The following SLC8A1 variants were observed in gnomAD, a reference collection of about 807,000 sequenced individuals.
SLC8A1 encodes the protein sodium/calcium exchanger 1.
In SLC8A1, 18 loss-of-function variants were observed where a neutral mutation model predicts 68.3. That is an observed-to-expected ratio of 0.26 (90% CI 0.18 to 0.39). The LOEUF is 0.39. Among genes scored for constraint, SLC8A1 ranks in the 10% least tolerant of loss-of-function variants. The pLI, the probability that SLC8A1 is intolerant of heterozygous loss-of-function variation, is 1.00. For synonymous variants in SLC8A1, 475 were observed against 415.5 expected (o/e 1.14, Z -1.74); for missense variants, 985 against 1,156.7 (o/e 0.85, Z 2.15).
intron 3 of SLC8A1, chr2:40,175,876 C>A (rs568220086): frequency 3.2e-4 from 113 of 353,826 alleles, no homozygotes; most frequent in Non-Finnish European, 6.0e-4. Context: ...ATTTTGTCCA[C>A]CAAGAATTGC....
At chr2:40,335,450 T>G (rs1665659784) in intron 2 of SLC8A1, among the ~76,000 whole-genome samples, 1 of 152,216 alleles carries the variant, frequency 6.6e-6, no homozygotes, top group African/African-American at 2.4e-5. Flanking sequence ...ATAATTAAAT[T>G]TATATTGTGT....
At chr2:40,157,515 A>G (rs573323042) in intron 6 of SLC8A1, among the ~76,000 whole-genome samples, 1 of 152,316 alleles carries the variant, frequency 6.6e-6, no homozygotes, top group East Asian at 1.9e-4. Context: ...TGGCACTGGC[A>G]TCCTGGTTCC....
intron 2 of SLC8A1, among the ~76,000 whole-genome samples, chr2:40,344,057 G>C (rs1668499439): frequency 6.6e-6 from 1 of 152,178 alleles, no homozygotes; most frequent in African/African-American, 2.4e-5. Context: ...CAGCAGTATG[G>C]CAGCCAGATG....
At chr2:40,117,023 C>T (rs2035590866) in intron 7 of SLC8A1, 1 of 152,184 alleles carries the variant, frequency 6.6e-6, no homozygotes, top group Admixed American at 6.5e-5. Flanking sequence ...CTGCTCACTT[C>T]AGAGTGCTGT....
At chr2:40,415,437 AAAAG>A (rs974845212) in intron 2 of SLC8A1, among the ~76,000 whole-genome samples, 13 of 152,046 alleles carry the variant, frequency 8.6e-5, no homozygotes, top group Non-Finnish European at 1.0e-4. Context: ...AAAAAAAAAA[AAAAG>A]AAAACTGCCA....
exon 8 of SLC8A1, chr2:40,099,270 A>T (rs539313094): frequency 6.6e-6 from 1 of 152,170 alleles, no homozygotes; most frequent in East Asian, 1.9e-4. Flanking sequence ...AAAATGAGTA[A>T]TATATGATGC....
At chr2:40,408,477 A>G (rs1009288925) in intron 2 of SLC8A1, among the ~76,000 whole-genome samples, 2 of 152,230 alleles carry the variant, frequency 1.3e-5, no homozygotes, top group Non-Finnish European at 2.9e-5. Context: ...CTAAAACCAC[A>G]GGAAATTTTG....
chr2:40,388,806 T>C (rs1684401631), intron 2 of SLC8A1, among the ~76,000 whole-genome samples: 1 of 151,990 alleles, frequency 6.6e-6, no homozygotes, highest in African/African-American at 2.4e-5. Context: ...AGTAAATAAA[T>C]CAAAAAGCAA....
At chr2:40,304,826 C>T (rs2072262018) in intron 2 of SLC8A1, among the ~76,000 whole-genome samples, 1 of 152,132 alleles carries the variant, frequency 6.6e-6, no homozygotes, top group Non-Finnish European at 1.5e-5. Flanking sequence ...TCACCTAGAC[C>T]TCATGCGCCC....
At chr2:40,119,888 G>T (rs2036388398) in intron 7 of SLC8A1, among the ~76,000 whole-genome samples, 1 of 152,170 alleles carries the variant, frequency 6.6e-6, no homozygotes, top group South Asian at 2.1e-4. Context: ...CTGTTGAGGA[G>T]ACAGCATGGC....
At chr2:40,152,612 C>T (rs374063983) in intron 6 of SLC8A1, among the ~76,000 whole-genome samples, 11 of 148,476 alleles carry the variant, frequency 7.4e-5, no homozygotes, top group East Asian at 2.0e-4. Context: ...GACAGAGTTT[C>T]GCCGTGTAGA....
At chr2:40,275,119 G>A (rs7583177) in intron 2 of SLC8A1, among the ~76,000 whole-genome samples, 75,536 of 152,094 alleles carry the variant, frequency 0.5, 22,372 homozygotes, top group African/African-American at 0.81. Flanking sequence ...GAATAGAATT[G>A]TATGCTCACA....
chr2:40,219,803 GTGCTTTGTT>G (rs2058047430), intron 2 of SLC8A1, among the ~76,000 whole-genome samples: 1 of 91,438 alleles, frequency 1.1e-5, no homozygotes, highest in Non-Finnish European at 2.8e-5. Flanking sequence ...TGAGAGAGAT[GTGCTTTGTT>G]TGCTATGCAT....
In SLC8A1 at chr2:40,276,745, C is replaced by G. The variant is rs1312624206; in HGVS notation, c.1809-98890G>C. Among the ~76,000 whole-genome samples, 3 of 152,278 alleles carry G rather than the reference C, an allele frequency of 2.0e-5. No individual in the cohort carries two copies. In the East Asian group the frequency reaches 5.8e-4, roughly 29 times the overall value. Reference sequence around the variant, plus strand: ...AAAATACATTTTTAAAGAGGCCATTCTTTTTATTGGACATTTTTATTTTAG... The same window carrying G: ...AAAATACATTTTTAAAGAGGCCATTGTTTTTATTGGACATTTTTATTTTAG... On this transcript the variant is annotated intron_variant, in intron 2 of 7. Transcript: ENST00000406785.
At chr2:40,442,274 G>GA (rs1700638572) in intron 1 of SLC8A1, among the ~76,000 whole-genome samples, 1 of 137,584 alleles carries the variant, frequency 7.3e-6, no homozygotes, top group Non-Finnish European at 1.6e-5. Flanking sequence ...AAAAAAAAAA[G>GA]AAAAAAGAAA....
At chr2:40,281,513 G>A (rs534669792) in intron 2 of SLC8A1, among the ~76,000 whole-genome samples, 18 of 152,308 alleles carry the variant, frequency 1.2e-4, no homozygotes, top group African/African-American at 3.1e-4. Context: ...GGGCTTGTGA[G>A]CTGTCTCAGG....
chr2:40,483,278 A>AT (rs1553623708), intron 1 of SLC8A1, among the ~76,000 whole-genome samples: 198 of 150,288 alleles, frequency 1.3e-3, no homozygotes, highest in African/African-American at 4.2e-3. Flanking sequence ...TATGTTAAAA[A>AT]ATATATATAT....
intron 2 of SLC8A1, among the ~76,000 whole-genome samples, chr2:40,322,499 G>GT (rs1178932201): frequency 3.7e-5 from 4 of 109,166 alleles, no homozygotes; most frequent in Non-Finnish European, 7.0e-5. Context: ...TCTACAAAAG[G>GT]TTAAAAAAAA....
chr2:40,100,058 C>A (rs2033805192), exon 8 of SLC8A1: 1 of 152,012 alleles, frequency 6.6e-6, no homozygotes, highest in African/African-American at 2.4e-5. Context: ...GTTGTGCCAA[C>A]AATTATTATT....
Sources: allele counts gnomAD v4.1 joint callset (sites outside exome capture counted in the v4.1 genomes callset), GRCh38; gene constraint gnomAD v4.1.1; transcripts MANE v1.5; gene names NCBI Gene and HGNC (gene_info 2026-07-23, HGNC 2026-07-21).